Variants in RNF180 observed in about 807,000 individuals in gnomAD.
RNF180 encodes ring finger protein 180.
A neutral mutation model predicts 59.2 loss-of-function variants in RNF180; 38 were observed. The ratio of observed to expected loss-of-function variants is 0.64; its 90% CI spans 0.50 to 0.84. RNF180 has a LOEUF of 0.84. Among genes scored for constraint, RNF180 ranks in the 40% least tolerant of loss-of-function variants. The probability of loss-of-function intolerance (pLI) is 0.00; values close to 1 mark genes in which losing one functional copy is unlikely to be tolerated. For synonymous variants in RNF180, 262 were observed against 240.3 expected (o/e 1.09, Z -0.84); for missense variants, 705 against 700.9 (o/e 1.01, Z -0.07).
At chr5:64,189,312 T>G (rs1751020954) in intron 1 of RNF180, among the ~76,000 whole-genome samples, 1 of 152,056 alleles carries the variant, frequency 6.6e-6, no homozygotes. Context: ...ATATGGAGGC[T>G]GGAAGAGTTT....
intron 7 of RNF180, among the ~76,000 whole-genome samples, chr5:64,364,814 G>C (rs554612143): frequency 2.0e-4 from 31 of 151,752 alleles, no homozygotes; most frequent in African/African-American, 7.5e-4. Flanking sequence ...TATGTGTCCA[G>C]GAGTTTGTCC....
chr5:64,174,916 G>T (rs1750144293), intron 1 of RNF180, among the ~76,000 whole-genome samples: 2 of 137,104 alleles, frequency 1.5e-5, no homozygotes, highest in African/African-American at 2.7e-5. Context: ...TCTTCTGGTA[G>T]TTTGATAGGT....
At chr5:64,206,022 A>G (rs1752000070) in intron 2 of RNF180, among the ~76,000 whole-genome samples, 1 of 152,180 alleles carries the variant, frequency 6.6e-6, no homozygotes, top group Non-Finnish European at 1.5e-5. Context: ...AATGAGATCT[A>G]GAAGATCAGA....
At chr5:64,167,415 T>C (rs1749704266) in intron 1 of RNF180, among the ~76,000 whole-genome samples, 3 of 152,178 alleles carry the variant, frequency 2.0e-5, no homozygotes. Context: ...TTTTTCTTCC[T>C]CTCTTTCATT....
intron 5 of RNF180, among the ~76,000 whole-genome samples, chr5:64,235,964 T>C (rs948721039): frequency 3.3e-5 from 5 of 152,206 alleles, no homozygotes; most frequent in African/African-American, 1.2e-4. Context: ...GTAGTACATT[T>C]ATAGCAGTGT....
intron 5 of RNF180, among the ~76,000 whole-genome samples, chr5:64,254,411 A>G (rs2112289004): frequency 6.6e-6 from 1 of 152,270 alleles, no homozygotes; most frequent in Middle Eastern, 3.4e-3. Flanking sequence ...AGAATTGTTT[A>G]TTTCTTCTTT....
At chr5:64,166,877 C>T (rs1016200011) in intron 1 of RNF180, among the ~76,000 whole-genome samples, 1 of 152,182 alleles carries the variant, frequency 6.6e-6, no homozygotes, top group Non-Finnish European at 1.5e-5. Flanking sequence ...CAAAATTTAG[C>T]TCTCAAAGAT....
At chr5:64,333,154 T>TG (rs1744984293) in intron 7 of RNF180, among the ~76,000 whole-genome samples, 1 of 152,152 alleles carries the variant, frequency 6.6e-6, no homozygotes, top group Admixed American at 6.5e-5. Flanking sequence ...TTGGTATAGA[T>TG]AGGTTTTATT....
At chr5:64,166,057 A>C (rs1749615487) in intron 1 of RNF180, 104 bp downstream of exon 1, 1 of 152,092 alleles carries the variant, frequency 6.6e-6, no homozygotes, top group African/African-American at 2.4e-5. Flanking sequence ...CCGGGCCCCC[A>C]CGTTGGCCCA....
intron 5 of RNF180, among the ~76,000 whole-genome samples, chr5:64,234,001 A>C (rs1742252326): frequency 1.3e-5 from 2 of 152,198 alleles, no homozygotes; most frequent in Non-Finnish European, 2.9e-5. Context: ...ATTGGAAAGA[A>C]AGTTAGAAAT....
chr5:64,185,262 G>A (rs1484003092), intron 1 of RNF180, among the ~76,000 whole-genome samples: 2 of 152,130 alleles, frequency 1.3e-5, no homozygotes, highest in African/African-American at 2.4e-5. Context: ...TCATAACAGT[G>A]TTTGTCTGGT....
intron 5 of RNF180, among the ~76,000 whole-genome samples, chr5:64,295,533 T>C (rs1742840797): frequency 6.6e-6 from 1 of 152,182 alleles, no homozygotes; most frequent in Non-Finnish European, 1.5e-5. Flanking sequence ...TTTCAAAAGA[T>C]TGTACTTGAT....
intron 1 of RNF180, among the ~76,000 whole-genome samples, chr5:64,178,094 C>G (rs897765693): frequency 2.0e-5 from 3 of 151,294 alleles, no homozygotes; most frequent in Admixed American, 1.3e-4. Flanking sequence ...ATCCCAGCTA[C>G]TCAGGAGGCT....
chr5:64,250,504 C>A (rs1408966673), intron 5 of RNF180, among the ~76,000 whole-genome samples: 1 of 151,572 alleles, frequency 6.6e-6, no homozygotes, highest in African/African-American at 2.4e-5. Flanking sequence ...AAGAGAAAAT[C>A]AACAAACCAT....
At chr5:64,229,434 G>A (rs1741982467) in intron 5 of RNF180, among the ~76,000 whole-genome samples, 1 of 152,010 alleles carries the variant, frequency 6.6e-6, no homozygotes, top group Non-Finnish European at 1.5e-5. Context: ...CATTTACTAG[G>A]GTAGAATATG....
rs188373072 is a variant in RNF180 at position 64,204,919 on chromosome 5, G to T, written c.135+3977G>T. ...CCCTGGGCTGTATCTCCTGTCTTCCGCATGCAGACATGAAATGGCTCTCAG... is the reference window on the plus strand; with the variant it reads ...CCCTGGGCTGTATCTCCTGTCTTCCTCATGCAGACATGAAATGGCTCTCAG... On this transcript the variant is annotated intron_variant, in intron 2 of 7. Transcript: ENST00000389100. Among the ~76,000 whole-genome samples the T allele has an allele frequency of 3.2e-3, 492 of 152,106 alleles. 1 individual carries two copies. Among genetic ancestry groups the T allele is most frequent in the African/African-American group, 0.012 (484 of 41,486 alleles).
At chr5:64,330,245 A>T (rs932578011) in intron 6 of RNF180, 36 bp from the exon 7 acceptor site, 7 of 1,343,720 alleles carry the variant, frequency 5.2e-6, no homozygotes, top group Admixed American at 2.3e-5. Flanking sequence ...TACTCAAATT[A>T]ATTTCAAAAT....
chr5:64,286,581 C>G (rs1742298016), intron 5 of RNF180, among the ~76,000 whole-genome samples: 1 of 152,156 alleles, frequency 6.6e-6, no homozygotes. Context: ...GCTGAGTTGA[C>G]TCTTTATCAC....
intron 7 of RNF180, among the ~76,000 whole-genome samples, chr5:64,358,572 G>T (rs1468743063): frequency 1.3e-5 from 2 of 151,744 alleles, no homozygotes; most frequent in Non-Finnish European, 2.9e-5. Context: ...TTTTAAATCT[G>T]CCCATAGACC....
Sources: allele counts gnomAD v4.1 joint callset (sites outside exome capture counted in the v4.1 genomes callset), GRCh38; gene constraint gnomAD v4.1.1; transcripts MANE v1.5; gene names NCBI Gene and HGNC (gene_info 2026-07-23, HGNC 2026-07-21).